The following SPATA16 variants were observed in gnomAD, a reference collection of about 807,000 sequenced individuals.
SPATA16 encodes the protein spermatogenesis associated 16, also known as spermatogenesis-associated protein 16.
SPATA16 carries 36 observed loss-of-function variants against 63.3 expected under a neutral mutation model. The observed-to-expected ratio is 0.57, with a 90% confidence interval of 0.44 to 0.75. SPATA16 has a LOEUF of 0.75. Among genes scored for constraint, SPATA16 ranks in the 30% least tolerant of loss-of-function variants. The pLI is 0.00. For missense variants in SPATA16, 646 were observed against 679.3 expected, an observed-to-expected ratio of 0.95 and a Z score of 0.54; for synonymous variants, 203 against 216.7, an observed-to-expected ratio of 0.94 and a Z score of 0.56.
chr3:172,966,667 A>G (rs1349454748), intron 5 of SPATA16, among the ~76,000 whole-genome samples: 1 of 152,352 alleles, frequency 6.6e-6, no homozygotes, highest in Non-Finnish European at 1.5e-5. Context: ...GGCAGTCTTC[A>G]AAAATTAGCG....
intron 10 of SPATA16, among the ~76,000 whole-genome samples, chr3:172,908,317 TA>T (rs1029031126): frequency 1.3e-5 from 2 of 152,144 alleles, no homozygotes; most frequent in Non-Finnish European, 2.9e-5. Context: ...TACCTTTTTT[TA>T]AAAAAAAATC....
At chr3:173,064,358 A>T (rs1423758577) in intron 2 of SPATA16, among the ~76,000 whole-genome samples, 1 of 151,036 alleles carries the variant, frequency 6.6e-6, no homozygotes, top group Non-Finnish European at 1.5e-5. Context: ...AATTAAAAAA[A>T]CCAATAATCC....
intron 6 of SPATA16, among the ~76,000 whole-genome samples, chr3:172,927,714 G>T (rs1475306429): frequency 6.6e-6 from 1 of 152,052 alleles, no homozygotes; most frequent in Admixed American, 6.6e-5. Flanking sequence ...AAGTACAAAG[G>T]CTTACCACTC....
chr3:173,105,958 T>TC (rs933846547), intron 2 of SPATA16, among the ~76,000 whole-genome samples: 21 of 152,016 alleles, frequency 1.4e-4, no homozygotes, highest in African/African-American at 5.1e-4. Flanking sequence ...ACTCTGATTT[T>TC]TTATTGTATT....
intron 6 of SPATA16, among the ~76,000 whole-genome samples, chr3:172,943,919 A>C (rs1733220940): frequency 6.6e-6 from 1 of 152,230 alleles, no homozygotes; most frequent in African/African-American, 2.4e-5. Context: ...GCAAATTGTA[A>C]GAATATAGAA....
chr3:173,104,392 A>G (rs549716171), intron 2 of SPATA16, among the ~76,000 whole-genome samples: 95 of 152,334 alleles, frequency 6.2e-4, no homozygotes, highest in African/African-American at 2.1e-3. Context: ...AAAGAAATAC[A>G]TAAGTTTGGG....
At chr3:172,894,468 C>T (rs1387132053) in intron 10 of SPATA16, among the ~76,000 whole-genome samples, 2 of 134,768 alleles carry the variant, frequency 1.5e-5, no homozygotes, top group Non-Finnish European at 3.1e-5. Flanking sequence ...GGGGTACCTA[C>T]CCCTGAGATT....
intron 4 of SPATA16, among the ~76,000 whole-genome samples, chr3:172,999,668 C>A (rs1229731366): frequency 2.0e-5 from 3 of 152,176 alleles, no homozygotes; most frequent in Admixed American, 2.0e-4. Flanking sequence ...CCCGCCTAGG[C>A]CTCCCAAAGT....
intron 4 of SPATA16, among the ~76,000 whole-genome samples, chr3:172,982,701 T>C (rs1036563621): frequency 5.9e-5 from 9 of 152,212 alleles, no homozygotes; most frequent in African/African-American, 1.9e-4. Context: ...AGGTACCAGT[T>C]TTATTTTCCA....
At chr3:173,062,050 T>C (rs1191601843) in intron 2 of SPATA16, among the ~76,000 whole-genome samples, 1 of 97,752 alleles carries the variant, frequency 1.0e-5, no homozygotes, top group Non-Finnish European at 2.0e-5. Context: ...CAACATTTTT[T>C]TTTTTTTTTT....
chr3:172,912,126 C>T (rs550254892), intron 10 of SPATA16, among the ~76,000 whole-genome samples: 35 of 152,298 alleles, frequency 2.3e-4, no homozygotes, highest in African/African-American at 6.7e-4. Context: ...CACTTCAGTA[C>T]GAAGTGGTCC....
At chr3:173,120,331 A>C (rs1430429324) in intron 1 of SPATA16, among the ~76,000 whole-genome samples, 1 of 152,136 alleles carries the variant, frequency 6.6e-6, no homozygotes, top group African/African-American at 2.4e-5. Flanking sequence ...TATATCGTTA[A>C]GTTTCTTTTG....
chr3:172,995,757 C>CT (rs942212786), intron 4 of SPATA16, among the ~76,000 whole-genome samples: 2 of 151,776 alleles, frequency 1.3e-5, no homozygotes, highest in Non-Finnish European at 2.9e-5. Flanking sequence ...TAAACAACAA[C>CT]TTTTTTTTAC....
At chr3:172,930,379 G>A (rs1732842183) in intron 6 of SPATA16, among the ~76,000 whole-genome samples, 1 of 151,940 alleles carries the variant, frequency 6.6e-6, no homozygotes, top group East Asian at 1.9e-4. Flanking sequence ...CACTGCCTTT[G>A]CTTATCTGGC....
intron 4 of SPATA16, among the ~76,000 whole-genome samples, chr3:173,018,596 C>T (rs1478005400): frequency 6.6e-6 from 1 of 152,070 alleles, no homozygotes; most frequent in Non-Finnish European, 1.5e-5. Flanking sequence ...TTATTATACA[C>T]TCAAACTCTT....
At chr3:172,899,558 G>T (rs1210380605) in intron 10 of SPATA16, among the ~76,000 whole-genome samples, 1 of 151,680 alleles carries the variant, frequency 6.6e-6, no homozygotes, top group Non-Finnish European at 1.5e-5. Context: ...AGAATATTTG[G>T]GTCATATTCT....
intron 5 of SPATA16, among the ~76,000 whole-genome samples, chr3:172,967,777 A>G (rs1437662278): frequency 2.0e-5 from 3 of 152,124 alleles, no homozygotes; most frequent in African/African-American, 4.8e-5. Flanking sequence ...TGTGCTTCTT[A>G]TGAGAATCTA....
At chr3:172,932,468 C>A (rs544612183) in intron 6 of SPATA16, among the ~76,000 whole-genome samples, 1 of 152,214 alleles carries the variant, frequency 6.6e-6, no homozygotes, top group South Asian at 2.1e-4. Context: ...TATATGACTC[C>A]TTTTTACTGA....
chr3:173,125,476 C>G (rs1738202389), intron 1 of SPATA16, among the ~76,000 whole-genome samples: 1 of 152,208 alleles, frequency 6.6e-6, no homozygotes, highest in Non-Finnish European at 1.5e-5. Flanking sequence ...CCTTTGAAAA[C>G]TCCTCACATA....
Sources: allele counts gnomAD v4.1 joint callset (sites outside exome capture counted in the v4.1 genomes callset), GRCh38; gene constraint gnomAD v4.1.1; transcripts MANE v1.5; gene names NCBI Gene and HGNC (gene_info 2026-07-23, HGNC 2026-07-21).